The following GRTP1 variants were observed in gnomAD, a reference collection of about 807,000 sequenced individuals.
GRTP1 encodes growth hormone regulated TBC protein 1.
Under a neutral mutation model 38.1 loss-of-function variants are expected in GRTP1, and 56 were observed. The observed-to-expected ratio is 1.47, with a 90% CI of 1.19 to 1.84. The LOEUF (loss-of-function observed/expected upper bound fraction) is 1.84. Among genes scored for constraint, GRTP1 ranks in the 40% most tolerant of loss-of-function variants. The pLI is 0.00. For synonymous variants in GRTP1, 217 were observed against 189.5 expected (o/e 1.14, Z -1.19); for missense variants, 506 against 453.9 (o/e 1.11, Z -1.04).
chr13:113,328,818 C>T (rs2042813545), intron 5 of GRTP1, among the ~76,000 whole-genome samples: 1 of 152,244 alleles, frequency 6.6e-6, no homozygotes, highest in South Asian at 2.1e-4. Flanking sequence ...AGGGGCGTCT[C>T]CCTCTCCCTT....
chr13:113,324,327 G>T lies in GRTP1; in HGVS notation c.*161C>A, dbSNP rs2139381731. ...GCTAATCATCAAAAGCTGGTAGAAT[G>T]ACCTGATTTTAAACTGCTCTTTTAA... On this transcript the variant is annotated 3_prime_UTR_variant, in exon 8 of 8. Coordinates refer to ENST00000375431, the MANE Select transcript of GRTP1 (RefSeq NM_024719.4). The T allele has an allele frequency of 9.2e-7, 1 of 1,086,008 alleles. No individual in the cohort carries two copies. Among genetic ancestry groups the T allele is most frequent in the Non-Finnish European group, 1.2e-6 (1 of 824,056 alleles). 67.3% of individuals were successfully genotyped at this position (1,086,008 alleles called of 1,614,324 possible).
chr13:113,354,748 A>G (rs1329177614), intron 3 of GRTP1, among the ~76,000 whole-genome samples: 1 of 152,154 alleles, frequency 6.6e-6, no homozygotes, highest in Non-Finnish European at 1.5e-5. Flanking sequence ...GCTGGTCTCG[A>G]ACTCCTGACC....
intron 5 of GRTP1, among the ~76,000 whole-genome samples, chr13:113,338,498 G>A (rs1393933762): frequency 6.6e-6 from 1 of 152,178 alleles, no homozygotes; most frequent in African/African-American, 2.4e-5. Flanking sequence ...AGGCAGATGT[G>A]GGGTGCAGGC....
intron 5 of GRTP1, among the ~76,000 whole-genome samples, chr13:113,326,504 C>G (rs969139806): frequency 2.6e-5 from 4 of 151,854 alleles, no homozygotes; most frequent in Non-Finnish European, 5.9e-5. Flanking sequence ...AACCCCGTCT[C>G]TACTAAAAAT....
At chr13:113,331,248 C>A (rs1259861706) in intron 5 of GRTP1, among the ~76,000 whole-genome samples, 2 of 152,222 alleles carry the variant, frequency 1.3e-5, no homozygotes, top group Non-Finnish European at 2.9e-5. Flanking sequence ...CTCTTCCCAA[C>A]AGACATGGTC....
At position 113,324,239 on chromosome 13, in the gene GRTP1, C is replaced by T. The variant is rs1430078869; in HGVS notation, c.*249G>A. The T allele has an allele frequency of 4.4e-6, 2 of 453,012 alleles. No individual in the cohort carries two copies. Among genetic ancestry groups the T allele is most frequent in the African/African-American group, 4.1e-5 (2 of 48,904 alleles). 28.1% of individuals were successfully genotyped at this position (453,012 alleles called of 1,614,324 possible). A position where few individuals can be genotyped will look rare whatever the true frequency, so the allele number is the denominator to read the frequency against. On this transcript the variant is annotated 3_prime_UTR_variant, in exon 8 of 8. Transcript: ENST00000375431. The stretch of plus-strand genomic sequence containing the variant: ...TTTATTAGATACAAACCCACACTCA[C>T]ATTTTATATATTATTGATCTCTCAG...
chr13:113,335,811 A>ATTTTTT (rs2042947105), intron 5 of GRTP1, among the ~76,000 whole-genome samples: 1 of 149,440 alleles, frequency 6.7e-6, no homozygotes, highest in Non-Finnish European at 1.5e-5. Context: ...TTTCTTTTTG[A>ATTTTTT]GATGGAGTCT....
chr13:113,355,711 C>T (rs995221842), intron 2 of GRTP1: 1 of 396,232 alleles, frequency 2.5e-6, no homozygotes. Context: ...ACCGCCCCCA[C>T]GCCCACTTCA....
intron 3 of GRTP1, among the ~76,000 whole-genome samples, chr13:113,352,635 C>T (rs528527881): frequency 5.7e-4 from 86 of 152,088 alleles, no homozygotes; most frequent in Admixed American, 3.3e-3. Flanking sequence ...CTCAGCTTCC[C>T]GAAGTGCTGG....
chr13:113,350,475 T>TC (rs1471003531), intron 4 of GRTP1, among the ~76,000 whole-genome samples: 1 of 126,222 alleles, frequency 7.9e-6, no homozygotes, highest in East Asian at 2.6e-4. Context: ...AGCACACATA[T>TC]CCCATACACA....
rs942631105 is a variant in GRTP1 at position 113,349,773 on chromosome 13, G to A, written c.465+1076C>T. ...CAGGCCCAGGGCTGTCCAGGCAGGG[G>A]CTCCACACTCCTCCAAACGTTCACT... is the stretch of plus-strand genomic sequence containing the variant. On this transcript the variant is annotated intron_variant, in intron 4 of 7. Transcript: ENST00000375431. This position sits in a 1 kb window ranked among gnomAD's most constrained non-coding sequence, Gnocchi z 5.0. Among the ~76,000 whole-genome samples, 1 of 152,128 alleles carries A rather than the reference G, an allele frequency of 6.6e-6. No individual in the cohort carries two copies. Among genetic ancestry groups the A allele is most frequent in the Non-Finnish European group, 1.5e-5 (1 of 68,016 alleles).
intron 5 of GRTP1, among the ~76,000 whole-genome samples, chr13:113,334,891 C>G (rs1385438944): frequency 6.6e-6 from 1 of 152,138 alleles, no homozygotes; most frequent in Non-Finnish European, 1.5e-5. Flanking sequence ...GGCGCGATCT[C>G]GGCTCACTGC....
Position 113,326,152 on chromosome 13 carries a change from C to T in GRTP1, c.563-61G>A, listed in dbSNP as rs186071874. 1,615 of 1,579,076 alleles carry T rather than the reference C, an allele frequency of 1.0e-3. 18 individuals carry two copies. In the African/African-American group the frequency reaches 0.018, roughly 17 times the overall value. Reference sequence around the variant, plus strand: ...TCCCGTCACCTCCACAAGCCCCATTCCCCTCAGAGCCAGACAAAGACAACA... The same window carrying T: ...TCCCGTCACCTCCACAAGCCCCATTTCCCTCAGAGCCAGACAAAGACAACA... On this transcript the variant is annotated intron_variant, in intron 5 of 7. Coordinates refer to ENST00000375431, the MANE Select transcript of GRTP1 (RefSeq NM_024719.4).
intron 5 of GRTP1, among the ~76,000 whole-genome samples, chr13:113,328,824 C>T (rs1290401149): frequency 2.0e-5 from 3 of 152,254 alleles, no homozygotes; most frequent in African/African-American, 7.2e-5. Flanking sequence ...GTCTCCCTCT[C>T]CCTTTCCCTA....
Position 113,324,524 on chromosome 13 carries a change from G to A in GRTP1, c.975C>T (p.Arg325=), listed in dbSNP as rs369014904. The change falls in exon 8 of 8, where the codon CGC becomes CGT. Residue 325 remains arginine (R), a synonymous_variant. Coordinates refer to ENST00000375431, the MANE Select transcript of GRTP1 (RefSeq NM_024719.4). The part of the protein sequence containing the change: ...SLSMATVAKL[R]ESCRARLLAQ... ...CCAGCAGCCGGGCCCTGCAGCTCTC[G>A]CGGAGCTTGGCGACGGTGGCCATGG... The A allele has an allele frequency of 5.9e-5, 95 of 1,611,758 alleles. No homozygotes were observed. Among genetic ancestry groups the A allele is most frequent in the African/African-American group, 4.7e-4 (35 of 74,898 alleles).
chr13:113,326,147 C>G, intron 5 of GRTP1, 56 bp from the exon 6 acceptor site: 2 of 1,587,184 alleles, frequency 1.3e-6, no homozygotes, highest in Admixed American at 3.4e-5. Flanking sequence ...TCCACAAGCC[C>G]CATTCCCCTC....
chr13:113,346,105 A>G, intron 4 of GRTP1, among the ~76,000 whole-genome samples: 2 of 91,234 alleles, frequency 2.2e-5, no homozygotes, highest in African/African-American at 5.1e-5. Context: ...TCTGTGGCCG[A>G]GAACAGACCC....
Position 113,355,177 on chromosome 13 carries a change from G to C in GRTP1, c.340+146C>G. 7.9e-6 allele frequency: 6 copies of C among 761,078 alleles called. No individual in the cohort carries two copies. The South Asian group carries it at 9.8e-5, about 12-fold the overall frequency. The allele number at this position is 761,078 out of a possible 1,614,324, so 47.1% of individuals were successfully genotyped here. A position where few individuals can be genotyped will look rare whatever the true frequency, so the allele number is the denominator to read the frequency against. On this transcript the variant is annotated intron_variant, in intron 3 of 7. Coordinates refer to ENST00000375431, the MANE Select transcript of GRTP1 (RefSeq NM_024719.4). ...CTCCCCTTGCAAAGGCTTCAGTTTT[G>C]ATTCTTTCATGGAGGAAGACGTAAC... is the stretch of plus-strand genomic sequence containing the variant.
In GRTP1 at chr13:113,344,916, T is replaced by C. The variant is rs753246954; in HGVS notation, c.509A>G (p.Asn170Ser). ...IAGYLILITN[N>S]EEESFWLLDA... ...TAACAGCCAAAAAGATTCTTCTTCATTATTTGTTATAAGAATCAGATATCC... is the reference window on the plus strand; with the variant it reads ...TAACAGCCAAAAAGATTCTTCTTCACTATTTGTTATAAGAATCAGATATCC... Residue 170 changes from asparagine to serine, a missense_variant, in exon 5 of 8, where the codon AAT becomes AGT. Asn to Ser is a conservative substitution (Grantham distance 46). Coordinates refer to ENST00000375431, the MANE Select transcript of GRTP1 (RefSeq NM_024719.4). 7 of 1,602,208 alleles carry C rather than the reference T, an allele frequency of 4.4e-6. No individual in the cohort carries two copies. The East Asian group carries it at 1.3e-4, about 31-fold the overall frequency.
Sources: allele counts gnomAD v4.1 joint callset (sites outside exome capture counted in the v4.1 genomes callset), GRCh38; gene constraint gnomAD v4.1.1; non-coding constraint Gnocchi (gnomAD v3.1); transcripts MANE v1.5; gene names NCBI Gene and HGNC (gene_info 2026-07-23, HGNC 2026-07-21).